Variants in PDGFC observed in about 807,000 individuals in gnomAD.
The protein encoded by PDGFC is platelet derived growth factor C, also known as platelet-derived growth factor C.
In PDGFC, 12 loss-of-function variants were observed where a neutral mutation model predicts 35.5. That is an observed-to-expected ratio of 0.34 (90% confidence interval 0.22 to 0.55). The LOEUF is 0.55. PDGFC is among the 20% of genes least tolerant of loss of function. The pLI is 0.91. For missense variants in PDGFC, 322 were observed against 412.4 expected (o/e 0.78, Z 1.90); for synonymous variants, 159 against 148.8 (o/e 1.07, Z -0.50).
At chr4:156,894,735 A>C (rs6812101) in intron 1 of PDGFC, among the ~76,000 whole-genome samples, 22,426 of 152,192 alleles carry the variant, frequency 0.15, 2,468 homozygotes, top group African/African-American at 0.31. Flanking sequence ...CTATAGTTAA[A>C]AAGTCAGAAG....
chr4:156,862,036 T>C (rs1729724610), intron 1 of PDGFC, among the ~76,000 whole-genome samples: 1 of 151,506 alleles, frequency 6.6e-6, no homozygotes, highest in African/African-American at 2.5e-5. Flanking sequence ...TTAGGCAGAA[T>C]AAGTTTCTTC....
At chr4:156,827,309 C>T (rs1476853397) in intron 2 of PDGFC, among the ~76,000 whole-genome samples, 2 of 151,268 alleles carry the variant, frequency 1.3e-5, no homozygotes, top group East Asian at 1.9e-4. Flanking sequence ...CCCAGCTACT[C>T]GGGAGGCTGA....
chr4:156,868,660 T>C (rs1729904592), intron 1 of PDGFC, among the ~76,000 whole-genome samples: 2 of 152,242 alleles, frequency 1.3e-5, no homozygotes, highest in South Asian at 4.1e-4. Flanking sequence ...AAAACTGTTA[T>C]AACAGTTTTC....
intron 3 of PDGFC, among the ~76,000 whole-genome samples, chr4:156,810,328 A>C (rs1731897555): frequency 6.6e-6 from 1 of 151,932 alleles, no homozygotes; most frequent in Admixed American, 6.6e-5. Context: ...TATCTTAAAT[A>C]AGCTACATAA....
intron 3 of PDGFC, among the ~76,000 whole-genome samples, chr4:156,809,524 A>G (rs977139879): frequency 3.9e-5 from 6 of 152,022 alleles, no homozygotes; most frequent in African/African-American, 1.2e-4. Flanking sequence ...TCAGCATTCA[A>G]GTATTTATTG....
At chr4:156,824,369 CACACATACATACAT>C (rs879640504) in intron 2 of PDGFC, among the ~76,000 whole-genome samples, 9 of 145,506 alleles carry the variant, frequency 6.2e-5, no homozygotes, top group African/African-American at 1.1e-4. Flanking sequence ...CATATATACA[CACACATACATACAT>C]ACACACACAT....
intron 1 of PDGFC, among the ~76,000 whole-genome samples, chr4:156,904,869 C>G (rs1455369111): frequency 6.6e-6 from 1 of 152,118 alleles, no homozygotes; most frequent in East Asian, 1.9e-4. Context: ...GGCTCAGTGA[C>G]AGCAGAGAAT....
intron 1 of PDGFC, among the ~76,000 whole-genome samples, chr4:156,858,008 A>T (rs1729623522): frequency 6.6e-6 from 1 of 152,116 alleles, no homozygotes; most frequent in Non-Finnish European, 1.5e-5. Context: ...TTAAGCCAAT[A>T]AGAGTTAGAA....
At chr4:156,968,433 A>T (rs900228327) in intron 1 of PDGFC, among the ~76,000 whole-genome samples, 1 of 152,178 alleles carries the variant, frequency 6.6e-6, no homozygotes, top group Non-Finnish European at 1.5e-5. Context: ...AGACAGCAAC[A>T]GGGCAATCAA....
chr4:156,961,423 T>C (rs995191478), intron 1 of PDGFC, among the ~76,000 whole-genome samples: 2 of 152,132 alleles, frequency 1.3e-5, no homozygotes, highest in African/African-American at 4.8e-5. Context: ...CACAGAAGTA[T>C]ATTTCTATCA....
intron 1 of PDGFC, among the ~76,000 whole-genome samples, chr4:156,935,382 A>G (rs1462578850): frequency 6.6e-6 from 1 of 152,242 alleles, no homozygotes; most frequent in East Asian, 1.9e-4. Context: ...TAACACAGTC[A>G]TTCATTATCT....
intron 1 of PDGFC, among the ~76,000 whole-genome samples, chr4:156,944,796 C>G (rs1731899829): frequency 6.6e-6 from 1 of 152,104 alleles, no homozygotes; most frequent in Admixed American, 6.6e-5. Flanking sequence ...CTCCCTTGCT[C>G]CCCTACAGTG....
chr4:156,861,333 G>T, intron 1 of PDGFC: 6 of 393,348 alleles, frequency 1.5e-5, no homozygotes, highest in South Asian at 8.6e-5. Context: ...CTCTAATATG[G>T]TTCATTGTAT....
At chr4:156,833,318 G>A (rs1281641873) in intron 2 of PDGFC, among the ~76,000 whole-genome samples, 1 of 152,226 alleles carries the variant, frequency 6.6e-6, no homozygotes, top group African/African-American at 2.4e-5. Flanking sequence ...TTCTTTAGTA[G>A]TGGATATTCA....
intron 4 of PDGFC, chr4:156,770,431 A>T (rs971991966): frequency 6.6e-6 from 1 of 152,096 alleles, no homozygotes; most frequent in Non-Finnish European, 1.5e-5. Context: ...AAGCTTCATT[A>T]AGTTAAGTCA....
intron 1 of PDGFC, among the ~76,000 whole-genome samples, chr4:156,922,645 T>C (rs1283671038): frequency 2.0e-5 from 3 of 152,054 alleles, no homozygotes; most frequent in Non-Finnish European, 2.9e-5. Context: ...TGAACTGCAA[T>C]AGAAGTGAGC....
chr4:156,774,652 C>T (rs1393234125), intron 3 of PDGFC, among the ~76,000 whole-genome samples: 1 of 133,670 alleles, frequency 7.5e-6, no homozygotes, highest in African/African-American at 2.8e-5. Flanking sequence ...TGATTTCATC[C>T]TTTTTTTTTT....
At chr4:156,855,262 T>C (rs1158028462) in intron 1 of PDGFC, among the ~76,000 whole-genome samples, 2 of 152,262 alleles carry the variant, frequency 1.3e-5, no homozygotes, top group African/African-American at 4.8e-5. Context: ...AATCATAAAA[T>C]GCAATTCAAA....
chr4:156,806,018 G>A (rs180724216), intron 3 of PDGFC, among the ~76,000 whole-genome samples: 6 of 151,964 alleles, frequency 3.9e-5, no homozygotes, highest in East Asian at 1.9e-4. Flanking sequence ...ACACAGTGGG[G>A]GTTATAATGT....
Sources: allele counts gnomAD v4.1 joint callset (sites outside exome capture counted in the v4.1 genomes callset), GRCh38; gene constraint gnomAD v4.1.1; transcripts MANE v1.5; gene names NCBI Gene and HGNC (gene_info 2026-07-23, HGNC 2026-07-21).